Variants in C14orf39 observed in about 807,000 individuals in gnomAD.
The protein encoded by C14orf39 is chromosome 14 open reading frame 39.
A neutral mutation model predicts 85.6 loss-of-function variants in C14orf39; 66 were observed. The ratio of observed to expected loss-of-function variants is 0.77; its 90% CI spans 0.63 to 0.95. The LOEUF (loss-of-function observed/expected upper bound fraction) is 0.95. Among genes scored for constraint, C14orf39 ranks in the 40% least tolerant of loss-of-function variants. The pLI is 0.00. For synonymous variants in C14orf39, 242 were observed against 214.0 expected, an observed-to-expected ratio of 1.13 and a Z score of -1.14; for missense variants, 735 against 663.9, an observed-to-expected ratio of 1.11 and a Z score of -1.18.
In C14orf39 at chr14:60,436,329, C is replaced by T. The variant is rs1220707120; in HGVS notation, c.*516G>A. The T allele has an allele frequency of 1.3e-5, 2 of 151,992 alleles. No homozygotes were observed. The highest frequency in any genetic ancestry group is 6.6e-5 in the Admixed American group (1 of 15,244). 9.4% of individuals were successfully genotyped at this position (151,992 alleles called of 1,614,324 possible). On this transcript the variant is annotated 3_prime_UTR_variant, in exon 18 of 18. Coordinates refer to ENST00000321731, the MANE Select transcript of C14orf39 (RefSeq NM_174978.3). ...TGTGTTATATTAGAAGAAAATAACA[C>T]AGATTTTGTTATTAACATAAATTAT... is the stretch of plus-strand genomic sequence containing the variant.
chr14:60,441,704 GA>G (rs1647052080), intron 17 of C14orf39, among the ~76,000 whole-genome samples: 1 of 151,578 alleles, frequency 6.6e-6, no homozygotes, highest in Admixed American at 6.6e-5. Context: ...TCAATCAAAG[GA>G]AAAATGAAGA....
chr14:60,509,408 C>A lies in C14orf39; in HGVS notation c.-144+5987G>T, dbSNP rs372811052. On this transcript the variant is annotated intron_variant, in intron 1 of 5. Transcript: ENST00000556799. ...CGCCGGCACTGCCTCGATGTTCCAGCTGCCCATCTTGAATTTCAGCCCCCA... is the reference window on the plus strand; with the variant it reads ...CGCCGGCACTGCCTCGATGTTCCAGATGCCCATCTTGAATTTCAGCCCCCA... 26 of 1,599,472 alleles carry A rather than the reference C, an allele frequency of 1.6e-5. No individual in the cohort carries two copies. Among genetic ancestry groups the A allele is most frequent in the Non-Finnish European group, 2.1e-5 (25 of 1,179,902 alleles).
chr14:60,490,703 A>G (rs1780564527), upstream of C14orf39, among the ~76,000 whole-genome samples: 1 of 152,066 alleles, frequency 6.6e-6, no homozygotes, highest in African/African-American at 2.4e-5. Context: ...AGAGAACCAG[A>G]CTCATGTGCT....
intron 9 of C14orf39, among the ~76,000 whole-genome samples, chr14:60,468,087 T>C (rs980493323): frequency 1.2e-4 from 18 of 151,684 alleles, no homozygotes; most frequent in African/African-American, 4.1e-4. Flanking sequence ...GACAGGGTGA[T>C]AAAAAAGTAA....
intron 1 of C14orf39, chr14:60,499,468 G>C (rs1297689449): frequency 1.3e-5 from 2 of 152,126 alleles, no homozygotes. Flanking sequence ...AAATAATTGT[G>C]GTAGAATTAG....
chr14:60,503,176 A>C lies in C14orf39; in HGVS notation c.-143-3746T>G, dbSNP rs866271819. The stretch of plus-strand genomic sequence containing the variant: ...CTGCCAATACACAGTGTGCTGACTC[A>C]GAGAAGGGTCTTCAGTAACACCAGA... On this transcript the variant is annotated intron_variant, in intron 1 of 5. Coordinates refer to the C14orf39 transcript ENST00000556799. 7.2e-5 allele frequency among the ~76,000 whole-genome samples: 11 copies of C among 152,308 alleles called. No homozygotes were observed. The South Asian group carries it at 2.3e-3, about 32-fold the overall frequency.
chr14:60,510,178 T>G (rs1049641579), intron 1 of C14orf39, among the ~76,000 whole-genome samples: 2 of 152,050 alleles, frequency 1.3e-5, no homozygotes, highest in African/African-American at 4.8e-5. Context: ...TCCCCACGCC[T>G]GCGGGCAGCT....
intron 2 of C14orf39, among the ~76,000 whole-genome samples, chr14:60,497,906 G>GAGAA (rs1566687984): frequency 6.6e-6 from 1 of 151,698 alleles, no homozygotes; most frequent in Non-Finnish European, 1.5e-5. Context: ...AAGAAAAAAA[G>GAGAA]AGAAAGAAAG....
chr14:60,505,584 C>G (rs1470329016), intron 1 of C14orf39, among the ~76,000 whole-genome samples: 1 of 152,178 alleles, frequency 6.6e-6, no homozygotes. Flanking sequence ...CCAAATCACA[C>G]AAAAGACTGG....
chr14:60,452,025 C>CA (rs1208227186), intron 16 of C14orf39, among the ~76,000 whole-genome samples: 52 of 129,998 alleles, frequency 4.0e-4, no homozygotes, highest in East Asian at 2.0e-3. Flanking sequence ...TACTAAAGTA[C>CA]AAAAAAAAAA....
In C14orf39 at chr14:60,462,126, T is replaced by C. The variant is rs867530482; in HGVS notation, c.973-533A>G. On this transcript the variant is annotated intron_variant, in intron 11 of 17. Coordinates refer to ENST00000321731, the MANE Select transcript of C14orf39 (RefSeq NM_174978.3). ...TGGTGACTTATGCCTGTAATCCCAA[T>C]ACTTTCAGGGACTGAGGCCGGAGGA... Among the ~76,000 whole-genome samples the C allele has an allele frequency of 5.3e-5, 8 of 152,152 alleles. No homozygotes were observed. In the East Asian group the frequency reaches 1.2e-3, roughly 22 times the overall value.
Position 60,511,000 on chromosome 14 carries a change from C to G in C14orf39, c.-144+4395G>C, listed in dbSNP as rs1397809728. On this transcript the variant is annotated intron_variant, in intron 1 of 5. Transcript: ENST00000556799. The stretch of plus-strand genomic sequence containing the variant: ...TTCGGAAGAACCTCTAGCCGCCGGG[C>G]TGGAGGGACGCAGGAGGTGGTGGGG... 2.1e-6 allele frequency: 3 copies of G among 1,416,280 alleles called. No homozygotes were observed. In the Admixed American group the frequency reaches 5.8e-5, roughly 27 times the overall value. 87.7% of individuals were successfully genotyped at this position (1,416,280 alleles called of 1,614,324 possible).
chr14:60,476,952 C>A (rs1253875269), intron 5 of C14orf39, among the ~76,000 whole-genome samples: 3 of 152,158 alleles, frequency 2.0e-5, no homozygotes, highest in African/African-American at 4.8e-5. Flanking sequence ...TTAATTCGTG[C>A]CTATATCTAA....
intron 1 of C14orf39, chr14:60,511,220 A>G (rs1893289437): frequency 6.2e-7 from 1 of 1,613,342 alleles, no homozygotes; most frequent in African/African-American, 1.3e-5. Flanking sequence ...AGCCATCTCC[A>G]TCACGTCCAG....
intron 1 of C14orf39, among the ~76,000 whole-genome samples, chr14:60,501,299 C>T (rs1335471932): frequency 9.6e-6 from 1 of 103,754 alleles, no homozygotes; most frequent in African/African-American, 3.5e-5. Flanking sequence ...GAGCAAGACC[C>T]TGTCTCCAAA....
intron 1 of C14orf39, among the ~76,000 whole-genome samples, chr14:60,505,283 G>A (rs1463355047): frequency 6.6e-6 from 1 of 152,030 alleles, no homozygotes; most frequent in Non-Finnish European, 1.5e-5. Flanking sequence ...TTTAAAAGTA[G>A]GATATTGAAT....
chr14:60,473,439 T>C (rs992534701), intron 5 of C14orf39, among the ~76,000 whole-genome samples: 9 of 152,212 alleles, frequency 5.9e-5, no homozygotes, highest in African/African-American at 1.9e-4. Context: ...TTGGCTTTTG[T>C]TGCCATTGCT....
At chr14:60,475,876 C>T (rs1033734749) in intron 5 of C14orf39, among the ~76,000 whole-genome samples, 7 of 152,058 alleles carry the variant, frequency 4.6e-5, no homozygotes, top group Non-Finnish European at 1.0e-4. Context: ...TTACATTCCT[C>T]AAGATTTTCT....
At chr14:60,445,726 C>T (rs915280216) in intron 16 of C14orf39, among the ~76,000 whole-genome samples, 1 of 152,226 alleles carries the variant, frequency 6.6e-6, no homozygotes. Context: ...TAGACATCTA[C>T]AGTACTCTCC....
Sources: allele counts gnomAD v4.1 joint callset (sites outside exome capture counted in the v4.1 genomes callset), GRCh38; gene constraint gnomAD v4.1.1; transcripts MANE v1.5; gene names NCBI Gene and HGNC (gene_info 2026-07-23, HGNC 2026-07-21).